Variants in SLC25A39 observed in about 807,000 individuals in gnomAD.
The protein encoded by SLC25A39 is solute carrier family 25 member 39.
A neutral mutation model predicts 46.6 loss-of-function variants in SLC25A39; 44 were observed. That is an observed-to-expected ratio of 0.94 (90% CI 0.74 to 1.21). SLC25A39 has a LOEUF of 1.21. Among genes scored for constraint, SLC25A39 ranks in the 50% most tolerant of loss-of-function variants. The pLI is 0.00. For missense variants in SLC25A39, 487 were observed against 473.0 expected, an observed-to-expected ratio of 1.03 and a Z score of -0.28; for synonymous variants, 218 against 190.6, an observed-to-expected ratio of 1.14 and a Z score of -1.19.
chr17:44,321,930 C>T (rs1000425732), intron 5 of SLC25A39, among the ~76,000 whole-genome samples, 163 bp from the exon 6 acceptor site: 2 of 152,156 alleles, frequency 1.3e-5, no homozygotes, highest in African/African-American at 4.8e-5. Flanking sequence ...TGGGTCCAGG[C>T]GGACACCTGG....
chr17:44,323,448 C>A (rs60776742), intron 2 of SLC25A39, 30 bp downstream of exon 2: 383,660 of 1,331,800 alleles, frequency 0.29, 55,184 homozygotes, highest in East Asian at 0.61. Context: ...CATCCCCACC[C>A]GCCCCCACCC....
chr17:44,320,647 A>G lies in SLC25A39; in HGVS notation c.776T>C (p.Phe259Ser). Residue 259 changes from phenylalanine to serine, a missense_variant, in exon 9 of 12, where the codon TTT becomes TCT. Phe to Ser is a radical substitution (Grantham distance 155). Coordinates refer to ENST00000377095, the MANE Select transcript of SLC25A39 (RefSeq NM_001143780.3). ...CGTCCCTGAGATGCCACCAGCCACA[A>G]AGCTCATGCCCACAGAAGTCTGGTC... ...PKDQTSVGMS[F>S]VAGGISGTVA... The G allele has an allele frequency of 6.2e-7, 1 of 1,614,098 alleles. No individual in the cohort carries two copies. The highest frequency in any genetic ancestry group is 8.5e-7 in the Non-Finnish European group (1 of 1,180,018).
Position 44,320,252 on chromosome 17 carries a change from G to C in SLC25A39, c.908C>G (p.Thr303Ser), listed in dbSNP as rs1251507962. 1 of 1,613,746 alleles carries C rather than the reference G, an allele frequency of 6.2e-7. No homozygotes were observed. Residue 303 changes from threonine to serine, a missense_variant, in exon 11 of 12, where the codon ACC (threonine) becomes AGC (serine). Coordinates refer to ENST00000377095, the MANE Select transcript of SLC25A39 (RefSeq NM_001143780.3). ...VRVNPLHVDS[T>S]WLLLRRIRAE... ...CCGGATCCTCCGCAGCAGCAGCCAGGTGGAGTCCACATGCAGGGGGTTCAC... is the reference window on the plus strand; with the variant it reads ...CCGGATCCTCCGCAGCAGCAGCCAGCTGGAGTCCACATGCAGGGGGTTCAC...
chr17:44,320,988 A>G, intron 8 of SLC25A39, 70 bp downstream of exon 8: 1 of 1,486,782 alleles, frequency 6.7e-7, no homozygotes, highest in East Asian at 2.3e-5. Context: ...CAAAGCTGGG[A>G]CTTGGCTGTA....
chr17:44,323,276 G>A lies in SLC25A39; in HGVS notation c.145+8C>T, dbSNP rs748794004. On this transcript the variant is annotated splice_region_variant and intron_variant, in intron 3 of 11. Coordinates refer to ENST00000377095, the MANE Select transcript of SLC25A39 (RefSeq NM_001143780.3). ...CCACCCCTCACTAGTTCCAGGTCAG[G>A]TACTCACCGCTGGCCATGGAGGGCC... The A allele has an allele frequency of 1.2e-6, 2 of 1,613,808 alleles. No homozygotes were observed. The highest frequency in any genetic ancestry group is 2.2e-5 in the East Asian group (1 of 44,884).
chr17:44,322,786 C>A, intron 4 of SLC25A39, 22 bp downstream of exon 4: 1 of 1,613,946 alleles, frequency 6.2e-7, no homozygotes, highest in East Asian at 2.2e-5. Context: ...CTCCCATGCT[C>A]CCTGTGGCTT....
chr17:44,322,272 G>A (rs2048069074), intron 5 of SLC25A39, 147 bp downstream of exon 5: 1 of 781,250 alleles, frequency 1.3e-6, no homozygotes, highest in African/African-American at 1.7e-5. Context: ...ACCCCATGGA[G>A]GTACTGCCTT....
intron 2 of SLC25A39, 39 bp downstream of exon 2, chr17:44,323,439 A>AAGCCCCCCCCCCCCCCCCCCCCCCCC: frequency 7.8e-6 from 2 of 257,100 alleles, no homozygotes; most frequent in African/African-American, 7.1e-5. Context: ...GGTCTGCCCC[A>AAGCCCCCCCCCCCCCCCCCCCCCCCC]TCCCCACCCG....
Position 44,321,206 on chromosome 17 carries a change from G to C in SLC25A39, c.543C>G (p.Pro181=), listed in dbSNP as rs540270471. 1 of 1,610,888 alleles carries C rather than the reference G, an allele frequency of 6.2e-7. No homozygotes were observed. The highest frequency in any genetic ancestry group is 1.7e-5 in the Admixed American group (1 of 59,574). The change falls in exon 8 of 12, where the codon CCC becomes CCG. Residue 181 remains proline (P), a synonymous_variant. Transcript: ENST00000377095. The part of the protein sequence containing the change: ...ARLGTVTVIS[P]LELMRTKLQA... ...GCAGCTTTGTCCGCATAAGCTCCAG[G>C]GGGCTGATCACAGTCACGGTGCCCA...
chr17:44,323,430 G>A, intron 2 of SLC25A39, 48 bp downstream of exon 2: 1 of 1,510,230 alleles, frequency 6.6e-7, no homozygotes. Context: ...CCAATCTCCG[G>A]TCTGCCCCAT....
intron 2 of SLC25A39, 44 bp downstream of exon 2, chr17:44,323,434 G>GGCCCCCCCCCCCCCCCCC: frequency 5.8e-6 from 8 of 1,367,796 alleles, no homozygotes; most frequent in East Asian, 2.5e-5. Context: ...TCTCCGGTCT[G>GGCCCCCCCCCCCCCCCCC]CCCCATCCCC....
chr17:44,321,516 A>AT lies in SLC25A39; in HGVS notation c.434dup (p.Tyr145Ter). The change falls in exon 7 of 12, where the codon TAT becomes TAAT. Residue 145 changes from tyrosine to a stop codon, truncating the protein, a stop_gained and frameshift_variant. Transcript: ENST00000377095. LOFTEE classifies it high-confidence loss of function. ...VPATAIYFTA[Y>*]DQLKAFLCGR... ...CACACAGGAAGGCCTTCAGTTGGTC[A>AT]TAGGCAGTGAAGTAGATGGCGGTAG... The AT allele has an allele frequency of 6.2e-7, 1 of 1,614,122 alleles. No homozygotes were observed. The highest frequency in any genetic ancestry group is 8.5e-7 in the Non-Finnish European group (1 of 1,180,002).
intron 2 of SLC25A39, 39 bp downstream of exon 2, chr17:44,323,439 A>ACACCCCCCCCCCC: frequency 3.9e-6 from 1 of 257,108 alleles, no homozygotes; most frequent in Non-Finnish European, 5.7e-6. Context: ...GGTCTGCCCC[A>ACACCCCCCCCCCC]TCCCCACCCG....
chr17:44,320,306 C>T (rs937389171), intron 10 of SLC25A39, 30 bp from the exon 11 acceptor site: 1 of 1,613,512 alleles, frequency 6.2e-7, no homozygotes, highest in African/African-American at 1.3e-5. Context: ...TCAGTGAGAC[C>T]CCATTCAGGA....
chr17:44,320,738 G>A lies in SLC25A39; in HGVS notation c.692-7C>T. On this transcript the variant is annotated splice_region_variant and splice_polypyrimidine_tract_variant and intron_variant, in intron 8 of 11. Coordinates refer to ENST00000377095, the MANE Select transcript of SLC25A39 (RefSeq NM_001143780.3). ...TAGTTGAACCAGTACAGGGCTTGGG[G>A]TGGGGGATGCACTGATTAGAGACGG... 6.2e-7 allele frequency: 1 copy of A among 1,607,884 alleles called. No homozygotes were observed. The highest frequency in any genetic ancestry group is 8.5e-7 in the Non-Finnish European group (1 of 1,174,760).
chr17:44,323,189 C>G, intron 3 of SLC25A39, 95 bp downstream of exon 3: 3 of 1,467,968 alleles, frequency 2.0e-6, no homozygotes, highest in South Asian at 2.3e-5. Context: ...TCCCAAAGCG[C>G]TGGGATTACA....
At chr17:44,324,597 C>CAGGTG (rs1409111680) in intron 1 of SLC25A39, 114 bp downstream of exon 1, 1 of 152,432 alleles carries the variant, frequency 6.6e-6, no homozygotes, top group Non-Finnish European at 1.5e-5. Context: ...GGAGAGCCGC[C>CAGGTG]AGGTGAGGGG....
Position 44,323,316 on chromosome 17 carries a change from C to T in SLC25A39, c.113G>A (p.Arg38His), listed in dbSNP as rs1209223583. The T allele has an allele frequency of 6.8e-6, 11 of 1,612,906 alleles. No homozygotes were observed. Among genetic ancestry groups the T allele is most frequent in the African/African-American group, 1.3e-5 (1 of 74,916 alleles). ...CATGGAGGGCCGCTGAGACTGCAGGCGAACCTTCACCACGTCCAGGGGTGT... is the reference window on the plus strand; with the variant it reads ...CATGGAGGGCCGCTGAGACTGCAGGTGAACCTTCACCACGTCCAGGGGTGT... ...FMTPLDVVKV[R>H]LQSQRPSMAS... is the part of the protein sequence containing the mutation. The change falls in exon 3 of 12, where the codon CGC (arginine) becomes CAC (histidine). Residue 38 changes from arginine (R) to histidine (H), a missense_variant. Arg to His is a conservative substitution (Grantham distance 29, BLOSUM62 0). Transcript: ENST00000377095.
At chr17:44,320,510 C>A in intron 9 of SLC25A39, 74 bp from the exon 10 acceptor site, 1 of 1,593,826 alleles carries the variant, frequency 6.3e-7, no homozygotes, top group Admixed American at 1.7e-5. Flanking sequence ...ATGGCTCTTG[C>A]GGCTGGGAGG....
Sources: gnomAD v4.1 joint callset for allele counts (sites outside exome capture counted in the v4.1 genomes callset) on GRCh38, gnomAD v4.1.1 for gene constraint, MANE v1.5 for transcripts, NCBI Gene and HGNC (gene_info 2026-07-23, HGNC 2026-07-21) for gene names.